Variants in ZSCAN2 observed in about 807,000 individuals in gnomAD.
ZSCAN2 encodes zinc finger and SCAN domain-containing protein 2.
A neutral mutation model predicts 47.8 loss-of-function variants in ZSCAN2; 26 were observed. The ratio of observed to expected loss-of-function variants is 0.54; its 90% confidence interval spans 0.40 to 0.75. The LOEUF (loss-of-function observed/expected upper bound fraction) is 0.75, where lower values mean the gene tolerates loss of function less well. Among genes scored for constraint, ZSCAN2 ranks in the 30% least tolerant of loss-of-function variants. ZSCAN2 has a pLI of 0.00. For synonymous variants in ZSCAN2, 305 were observed against 288.7 expected, an observed-to-expected ratio of 1.06 and a Z score of -0.57; for missense variants, 732 against 785.4, an observed-to-expected ratio of 0.93 and a Z score of 0.81.
In ZSCAN2 at chr15:84,617,745, T is replaced by G. The variant is rs148127527; in HGVS notation, c.407-2857T>G. On this transcript the variant is annotated intron_variant, in intron 2 of 2. Coordinates refer to ENST00000546148, the MANE Select transcript of ZSCAN2 (RefSeq NM_181877.4). ...CAAGCCCAGGACTTTGAGACTAGCC[T>G]GGGCAACATAGCAAAACCCCATCTC... 6.4e-3 allele frequency among the ~76,000 whole-genome samples: 978 copies of G among 152,324 alleles called. 3 individuals are homozygous for G. The highest frequency in any genetic ancestry group is 0.022 in the African/African-American group (918 of 41,578).
intron 2 of ZSCAN2, among the ~76,000 whole-genome samples, chr15:84,613,601 C>T (rs1028880050): frequency 1.4e-4 from 22 of 152,170 alleles, no homozygotes; most frequent in African/African-American, 5.1e-4. Context: ...AGCCACTGCA[C>T]CCGGCCGAGA....
At chr15:84,619,794 T>C (rs531251882) in intron 2 of ZSCAN2, among the ~76,000 whole-genome samples, 3 of 152,152 alleles carry the variant, frequency 2.0e-5, no homozygotes, top group African/African-American at 7.2e-5. Context: ...AATTCCCACC[T>C]GACCTCATTT....
chr15:84,603,961 C>T lies in ZSCAN2; in HGVS notation c.34C>T (p.Pro12Ser), dbSNP rs771595597. The T allele has an allele frequency of 6.2e-7, 1 of 1,613,858 alleles. No individual in the cohort carries two copies. The highest frequency in any genetic ancestry group is 8.5e-7 in the Non-Finnish European group (1 of 1,179,980). The change falls in exon 2 of 3, where the codon CCG becomes TCG. Residue 12 changes from proline (P) to serine (S), a missense_variant. Physicochemically the swap from Pro to Ser is moderately conservative, Grantham distance 74. This residue lies in a region of ZSCAN2 where 320 missense variants were observed against 287.4 expected (regional missense o/e 1.11). Coordinates refer to ENST00000546148, the MANE Select transcript of ZSCAN2 (RefSeq NM_181877.4). ...TGCAGACATCCCGAGAGTGACCACT[C>T]CGCTGAGCTCCTTGGTCCAGGTGCC... is the stretch of plus-strand genomic sequence containing the variant. ...MAADIPRVTTPLSSLVQVPQE... is the reference protein window; with the variant it reads ...MAADIPRVTTSLSSLVQVPQE...
intron 2 of ZSCAN2, chr15:84,606,737 G>A (rs1214554220): frequency 1.1e-5 from 16 of 1,397,342 alleles, no homozygotes; most frequent in Non-Finnish European, 1.4e-5. Context: ...TTGCAGCAGG[G>A]GCTTTGTGCC....
chr15:84,614,866 T>G (rs1040681053), intron 2 of ZSCAN2: 1 of 152,276 alleles, frequency 6.6e-6, no homozygotes, highest in Non-Finnish European at 1.5e-5. Context: ...CCACTGGTCT[T>G]ACTGTTAGCC....
intron 2 of ZSCAN2, among the ~76,000 whole-genome samples, chr15:84,620,011 G>A (rs908104601): frequency 7.3e-5 from 11 of 150,154 alleles, no homozygotes; most frequent in South Asian, 4.2e-4. Flanking sequence ...AGGTAAATGC[G>A]TGCCATGGTG....
intron 2 of ZSCAN2, among the ~76,000 whole-genome samples, chr15:84,612,634 C>T (rs1416659728): frequency 6.6e-6 from 1 of 152,054 alleles, no homozygotes; most frequent in Non-Finnish European, 1.5e-5. Flanking sequence ...ACTCGGGAGG[C>T]TGAGGCAGGA....
At position 84,604,401 on chromosome 15, in the gene ZSCAN2, G is replaced by A. The variant is rs558237569; in HGVS notation, c.406+68G>A. The A allele has an allele frequency of 8.5e-6, 13 of 1,524,604 alleles. No homozygotes were observed. In the Admixed American group the frequency reaches 1.0e-4, roughly 12 times the overall value. 94.4% of individuals were successfully genotyped at this position (1,524,604 alleles called of 1,614,324 possible). On this transcript the variant is annotated intron_variant, in intron 2 of 2. Transcript: ENST00000546148. ...CCAAGGTAGAGGAGTGTGGTGTTTC[G>A]GAGGAGGAGAAGGTGGTGTCCAAGG...
chr15:84,620,817 C>T lies in ZSCAN2; in HGVS notation c.622C>T (p.Gln208Ter), dbSNP rs1263031284. 3.7e-6 allele frequency: 6 copies of T among 1,614,102 alleles called. No homozygotes were observed. The highest frequency in any genetic ancestry group is 2.7e-5 in the African/African-American group (2 of 74,930). ...GGTTTCTCAGGACAGGGAAGTTGGC[C>T]AGCTCATAGGCCTGCAGGGCACCTA... ...EVVSQDREVG[Q>*]LIGLQGTYLG... Residue 208 changes from glutamine to a stop codon, truncating the protein, a stop_gained, in exon 3 of 3, where the codon CAG becomes TAG. Transcript: ENST00000546148. LOFTEE classifies it high-confidence loss of function.
At position 84,621,866 on chromosome 15, in the gene ZSCAN2, C is replaced by A. The variant is rs756195866; in HGVS notation, c.1671C>A (p.Pro557=). Residue 557 remains proline (P), a synonymous_variant, in exon 3 of 3, where the codon CCC becomes CCA. Coordinates refer to ENST00000546148, the MANE Select transcript of ZSCAN2 (RefSeq NM_181877.4). This position sits in a 1 kb window ranked among gnomAD's most constrained non-coding sequence, Gnocchi z 5.7. ...MHQRAHLGDK[P]YRCPECGKGF... ...AGAGAGCCCATTTGGGAGACAAGCC[C>A]TACAGGTGCCCTGAGTGTGGGAAAG... is the stretch of plus-strand genomic sequence containing the variant. 2 of 1,614,088 alleles carry A rather than the reference C, an allele frequency of 1.2e-6. No homozygotes were observed. Among genetic ancestry groups the A allele is most frequent in the African/African-American group, 1.3e-5 (1 of 74,916 alleles).
chr15:84,605,144 A>G (rs1381303804), intron 2 of ZSCAN2, among the ~76,000 whole-genome samples: 1 of 152,252 alleles, frequency 6.6e-6, no homozygotes, highest in African/African-American at 2.4e-5. Flanking sequence ...TCGTAATTTC[A>G]AACTTGAGCT....
At chr15:84,615,054 A>G (rs1895658593) in intron 2 of ZSCAN2, 1 of 152,034 alleles carries the variant, frequency 6.6e-6, no homozygotes, top group Non-Finnish European at 1.5e-5. Flanking sequence ...CCCGGGTTCA[A>G]GCGATTCTCC....
Position 84,621,161 on chromosome 15 carries a change from T to C in ZSCAN2, c.966T>C (p.Ile322=). ...GCTTCAGCAGGAGTCCCAACCTCATTGCACATCAGCGCACCCACACAGGAG... is the reference window on the plus strand; with the variant it reads ...GCTTCAGCAGGAGTCCCAACCTCATCGCACATCAGCGCACCCACACAGGAG... The part of the protein sequence containing the change: ...GKSFSRSPNL[I]AHQRTHTGEK... Residue 322 remains isoleucine (I), a synonymous_variant, in exon 3 of 3, where the codon ATT becomes ATC. Transcript: ENST00000546148. The surrounding 1 kb of genome is among the most constrained non-coding windows in gnomAD (Gnocchi z 5.7). 1 of 1,613,160 alleles carries C rather than the reference T, an allele frequency of 6.2e-7. No homozygotes were observed. Among genetic ancestry groups the C allele is most frequent in the Non-Finnish European group, 8.5e-7 (1 of 1,179,744 alleles).
chr15:84,620,042 C>T (rs150103574), intron 2 of ZSCAN2, among the ~76,000 whole-genome samples: 254 of 151,880 alleles, frequency 1.7e-3, no homozygotes, highest in African/African-American at 5.9e-3. Context: ...CAGGTCATCC[C>T]ACCACCTAGG....
intron 1 of ZSCAN2, 54 bp from the exon 2 acceptor site, chr15:84,603,766 G>A (rs1295642262): frequency 1.2e-6 from 1 of 805,738 alleles, no homozygotes; most frequent in East Asian, 2.7e-5. Context: ...TTGTGAGTTA[G>A]ATTGCTTTAG....
In ZSCAN2 at chr15:84,621,580, T is replaced by C. The variant is rs1196449734; in HGVS notation, c.1385T>C (p.Ile462Thr). Reference sequence around the variant, plus strand: ...AGCTTCAGCCAGAGCTCCAGTCTGATTGCACACCAGGGCATGCACACAGGG... The same window carrying C: ...AGCTTCAGCCAGAGCTCCAGTCTGACTGCACACCAGGGCATGCACACAGGG... ...GKSFSQSSSL[I>T]AHQGMHTGEK... Residue 462 changes from isoleucine to threonine, a missense_variant, in exon 3 of 3, where the codon ATT becomes ACT. Transcript: ENST00000546148. This position sits in a 1 kb window ranked among gnomAD's most constrained non-coding sequence, Gnocchi z 5.7. The C allele has an allele frequency of 6.2e-7, 1 of 1,614,034 alleles. No individual in the cohort carries two copies. Among genetic ancestry groups the C allele is most frequent in the East Asian group, 2.2e-5 (1 of 44,858 alleles).
chr15:84,623,245 A>T lies in ZSCAN2; in HGVS notation c.*1205A>T. On this transcript the variant is annotated 3_prime_UTR_variant, in exon 3 of 3. Coordinates refer to ENST00000546148, the MANE Select transcript of ZSCAN2 (RefSeq NM_181877.4). ...TGGGACTACAGGTGCCCACCACCAC[A>T]CCCAGCTAATTTCTTTTTTTGTATT... is the stretch of plus-strand genomic sequence containing the variant. 6.1e-6 allele frequency: 1 copy of T among 163,844 alleles called. No homozygotes were observed. The highest frequency in any genetic ancestry group is 1.4e-5 in the Non-Finnish European group (1 of 73,950). 10.1% of individuals were successfully genotyped at this position (163,844 alleles called of 1,614,324 possible). A position where few individuals can be genotyped will look rare whatever the true frequency, so the allele number is the denominator to read the frequency against.
Position 84,603,923 on chromosome 15 carries a change from T to A in ZSCAN2, c.-5T>A. 6.2e-7 allele frequency: 1 copy of A among 1,611,782 alleles called. No individual in the cohort carries two copies. Among genetic ancestry groups the A allele is most frequent in the Non-Finnish European group, 8.5e-7 (1 of 1,178,724 alleles). ...GAAGCCTAAGTGATTGCCCCAGGAC[T>A]GTGGATGATGGCTGCAGACATCCCG... On this transcript the variant is annotated 5_prime_UTR_variant, in exon 2 of 3. Coordinates refer to ENST00000546148, the MANE Select transcript of ZSCAN2 (RefSeq NM_181877.4).
chr15:84,606,734 A>G (rs1895393733), intron 2 of ZSCAN2: 1 of 1,407,504 alleles, frequency 7.1e-7, no homozygotes, highest in African/African-American at 1.5e-5. Flanking sequence ...ACCTTGCAGC[A>G]GGGGCTTTGT....
Sources: allele counts gnomAD v4.1 joint callset (sites outside exome capture counted in the v4.1 genomes callset), GRCh38; gene constraint gnomAD v4.1.1; regional missense constraint gnomAD v4.1.1; non-coding constraint Gnocchi (gnomAD v3.1); transcripts MANE v1.5; gene names NCBI Gene and HGNC (gene_info 2026-07-23, HGNC 2026-07-21).